TRIOBP: variants seen among roughly 807,000 people sequenced by gnomAD.
The protein encoded by TRIOBP is TRIO and F-actin binding protein.
In TRIOBP, 169 loss-of-function variants were observed where a neutral mutation model predicts 238.8. The ratio of observed to expected loss-of-function variants is 0.71; its 90% CI spans 0.62 to 0.80. The LOEUF (loss-of-function observed/expected upper bound fraction) is 0.80, where lower values mean the gene tolerates loss of function less well. Among genes scored for constraint, TRIOBP ranks in the 30% least tolerant of loss-of-function variants. TRIOBP has a pLI of 0.00. For synonymous variants in TRIOBP, 1,150 were observed against 1,274.4 expected (o/e 0.90, Z 2.08); for missense variants, 2,838 against 3,122.6 (o/e 0.91, Z 2.17).
chr22:37,746,231 A>C (rs1925244619), intron 11 of TRIOBP: 13 of 1,089,792 alleles, frequency 1.2e-5, no homozygotes, highest in Middle Eastern at 4.0e-4. Context: ...AAAAAAAAAA[A>C]AGTTTTATGG....
chr22:37,708,749 G>A (rs1569033434), intron 3 of TRIOBP, among the ~76,000 whole-genome samples: 1 of 152,190 alleles, frequency 6.6e-6, no homozygotes, highest in Non-Finnish European at 1.5e-5. Flanking sequence ...GAAGTCATCG[G>A]CCTGAGGTCA....
intron 7 of TRIOBP, among the ~76,000 whole-genome samples, chr22:37,731,313 A>T (rs188381024): frequency 0.01 from 1,570 of 150,966 alleles, 6 homozygotes; most frequent in African/African-American, 0.015. Flanking sequence ...CATTAAAAAA[A>T]TTTTTTTTTC....
intron 3 of TRIOBP, among the ~76,000 whole-genome samples, chr22:37,707,576 C>G (rs1484318012): frequency 1.3e-5 from 2 of 151,970 alleles, no homozygotes; most frequent in Non-Finnish European, 2.9e-5. Flanking sequence ...GATTCTGGAC[C>G]CTTGGCCATA....
intron 11 of TRIOBP, among the ~76,000 whole-genome samples, 184 bp downstream of exon 11, chr22:37,741,216 G>A (rs2145848572): frequency 6.6e-6 from 1 of 152,302 alleles, no homozygotes; most frequent in East Asian, 1.9e-4. Context: ...CAAGCGAGTG[G>A]GTTTCCCACT....
chr22:37,710,404 T>C (rs1923174963), intron 3 of TRIOBP, 23 bp from the exon 4 acceptor site: 2 of 1,612,742 alleles, frequency 1.2e-6, no homozygotes, highest in East Asian at 4.5e-5. Context: ...CTGAGCTGTC[T>C]CCTCTCTCCA....
rs1926781819 is a variant in TRIOBP, at chr22:37,771,685, C to T, written c.6885C>T (p.Tyr2295=). ...LLRVKENELQ[Y]LKKEVQCLRD... is the part of the protein sequence containing the mutation. ...GCGTAAAAGAAAACGAACTCCAGTA[C>T]CTAAAGAAGGAGGTGCAGTGCCTCC... Residue 2295 remains tyrosine (Y), a synonymous_variant, in exon 22 of 24, where the codon TAC becomes TAT. Coordinates refer to ENST00000644935, the MANE Select transcript of TRIOBP (RefSeq NM_001039141.3). The T allele has an allele frequency of 1.1e-5, 17 of 1,614,028 alleles. No homozygotes were observed. The highest frequency in any genetic ancestry group is 1.4e-5 in the Non-Finnish European group (16 of 1,180,006).
chr22:37,768,004 C>T (rs1601668292), intron 18 of TRIOBP, 70 bp from the exon 19 acceptor site: 1 of 1,237,804 alleles, frequency 8.1e-7, no homozygotes, highest in South Asian at 1.3e-5. Flanking sequence ...TGTGGCGTCT[C>T]AGAGCTGGTG....
intron 19 of TRIOBP, 60 bp from the exon 20 acceptor site, chr22:37,768,968 A>T: frequency 6.2e-7 from 1 of 1,610,322 alleles, no homozygotes; most frequent in Non-Finnish European, 8.5e-7. Context: ...ACCTGACTGG[A>T]CTCCAGGCTT....
rs71195050 is a variant in TRIOBP at position 37,743,801 on chromosome 22, ATGTGTGTGTGTGTGTGTGTGTG to A, written c.5322+2792_5322+2813del. On this transcript the variant is annotated intron_variant, in intron 11 of 23. Coordinates refer to ENST00000644935, the MANE Select transcript of TRIOBP (RefSeq NM_001039141.3). ...GGGGAAGGGGAGAAAGAGAGAGAGAATGTGTGTGTGTGTGTGTGTGTGTGTGTGTGTGTGTGTGTGTGTGCTG... is the reference window on the plus strand; with the variant it reads ...GGGGAAGGGGAGAAAGAGAGAGAGAATGTGTGTGTGTGTGTGTGTGTGCTG... Among the ~76,000 whole-genome samples, 5 of 114,180 alleles carry A rather than the reference ATGTGTGTGTGTGTGTGTGTGTG, an allele frequency of 4.4e-5. No homozygotes were observed. The South Asian group carries it at 1.4e-3, about 32-fold the overall frequency. 74.9% of individuals were successfully genotyped at this position (114,180 alleles called of 152,430 possible).
chr22:37,706,273 C>T (rs1922941125), intron 3 of TRIOBP, among the ~76,000 whole-genome samples: 1 of 152,074 alleles, frequency 6.6e-6, no homozygotes, highest in Admixed American at 6.6e-5. Context: ...AGCTCAGAGC[C>T]AGACCATCAC....
At chr22:37,739,237 C>A (rs1432945380) in intron 10 of TRIOBP, among the ~76,000 whole-genome samples, 1 of 152,122 alleles carries the variant, frequency 6.6e-6, no homozygotes, top group Non-Finnish European at 1.5e-5. Flanking sequence ...TCTGCCCGCC[C>A]CTCCCCGTGA....
intron 6 of TRIOBP, among the ~76,000 whole-genome samples, chr22:37,716,250 T>G (rs890909540): frequency 1.3e-5 from 2 of 151,944 alleles, no homozygotes; most frequent in Non-Finnish European, 2.9e-5. Context: ...TAGCTAAGAT[T>G]ACAGGCTCCC....
At chr22:37,709,221 G>C (rs1408053632) in intron 3 of TRIOBP, among the ~76,000 whole-genome samples, 2 of 152,194 alleles carry the variant, frequency 1.3e-5, no homozygotes, top group African/African-American at 4.8e-5. Flanking sequence ...TGGAGAGCCT[G>C]TGCCCACCCT....
chr22:37,759,875 TAA>T (rs1926153257), intron 17 of TRIOBP: 3 of 593,218 alleles, frequency 5.1e-6, no homozygotes, highest in Admixed American at 4.8e-5. Context: ...TACACATATA[TAA>T]GTTTATTATA....
chr22:37,756,770 G>T (rs965055990), intron 15 of TRIOBP, among the ~76,000 whole-genome samples: 26 of 149,574 alleles, frequency 1.7e-4, no homozygotes, highest in Non-Finnish European at 2.1e-4. Flanking sequence ...TTTTGGCAGG[G>T]TGACCACGTA....
At chr22:37,698,306 G>GTCAGGAGT (rs1026953853) in intron 2 of TRIOBP, among the ~76,000 whole-genome samples, 5 of 149,036 alleles carry the variant, frequency 3.4e-5, no homozygotes, top group East Asian at 2.0e-4. Context: ...ATTACTTGAG[G>GTCAGGAGT]TCAGGAGTTC....
At chr22:37,720,229 G>A (rs929134786) in intron 6 of TRIOBP, among the ~76,000 whole-genome samples, 6 of 151,752 alleles carry the variant, frequency 4.0e-5, no homozygotes, top group Admixed American at 3.3e-4. Context: ...GGCTGGTCTC[G>A]AACTCCCGAC....
At chr22:37,749,164 G>A (rs770060085) in intron 11 of TRIOBP, among the ~76,000 whole-genome samples, 15 of 152,070 alleles carry the variant, frequency 9.9e-5, no homozygotes, top group Admixed American at 3.3e-4. Flanking sequence ...AGACCAGCCT[G>A]GCCAGCATGG....
At chr22:37,759,316 G>A (rs759047263) in intron 17 of TRIOBP, 52 bp downstream of exon 17, 117 of 1,552,268 alleles carry the variant, frequency 7.5e-5, no homozygotes, top group East Asian at 3.6e-4. Flanking sequence ...TCTGCTTGCC[G>A]TGTTATCAGG....
Sources: allele counts gnomAD v4.1 joint callset (sites outside exome capture counted in the v4.1 genomes callset), GRCh38; gene constraint gnomAD v4.1.1; transcripts MANE v1.5; gene names NCBI Gene and HGNC (gene_info 2026-07-23, HGNC 2026-07-21).